Variants in ADH7 observed in about 807,000 individuals in gnomAD.
ADH7 encodes the protein all-trans-retinol dehydrogenase [NAD(+)] ADH7.
In ADH7, 41 loss-of-function variants were observed where a neutral mutation model predicts 34.4. The ratio of observed to expected loss-of-function variants is 1.19; its 90% CI spans 0.93 to 1.55. ADH7 has a LOEUF of 1.55. Among genes scored for constraint, ADH7 ranks in the 40% most tolerant of loss-of-function variants. The pLI, the probability that ADH7 is intolerant of heterozygous loss-of-function variation, is 0.00. For synonymous variants in ADH7, 180 were observed against 160.9 expected (o/e 1.12, Z -0.90); for missense variants, 540 against 461.2 (o/e 1.17, Z -1.56).
At chr4:99,418,441 A>C (rs1166454856) in intron 7 of ADH7, among the ~76,000 whole-genome samples, 1 of 152,142 alleles carries the variant, frequency 6.6e-6, no homozygotes, top group Non-Finnish European at 1.5e-5. Flanking sequence ...GGGAAAAAAA[A>C]GGACTCACTG....
At chr4:99,428,243 A>G in intron 3 of ADH7, 69 bp from the exon 4 acceptor site, 1 of 1,432,102 alleles carries the variant, frequency 7.0e-7, no homozygotes, top group Admixed American at 1.7e-5. Context: ...ACAAATGTGA[A>G]TTGAGCCCAT....
intron 1 of ADH7, among the ~76,000 whole-genome samples, chr4:99,433,046 C>T (rs757991313): frequency 1.3e-5 from 2 of 151,986 alleles, no homozygotes; most frequent in Non-Finnish European, 2.9e-5. Flanking sequence ...GTAAAATGGG[C>T]CATCTTACCT....
intron 7 of ADH7, among the ~76,000 whole-genome samples, chr4:99,417,734 C>T (rs1721553309): frequency 1.3e-5 from 2 of 152,278 alleles, no homozygotes; most frequent in South Asian, 4.1e-4. Context: ...GGTACCTGTA[C>T]TCAGTATACA....
rs1005770016 is a variant in ADH7 at position 99,427,956 on chromosome 4, G to T, written c.381C>A (p.Thr127=). ...ITGRGVLADG[T]TRFTCKGKPV... Reference sequence around the variant, plus strand: ...GTTTGCCCTTGCATGTAAATCTGGTGGTGCCATCAGCCAGTACTCCACGAC... The same window carrying T: ...GTTTGCCCTTGCATGTAAATCTGGTTGTGCCATCAGCCAGTACTCCACGAC... The change falls in exon 5 of 9, where the codon ACC becomes ACA. Residue 127 remains threonine, a synonymous_variant. Transcript: ENST00000437033. 2 of 1,613,872 alleles carry T rather than the reference G, an allele frequency of 1.2e-6. No homozygotes were observed. Among genetic ancestry groups the T allele is most frequent in the South Asian group, 2.2e-5 (2 of 91,070 alleles).
chr4:99,420,422 C>T (rs967876509), intron 6 of ADH7, 111 bp downstream of exon 6: 19 of 1,258,684 alleles, frequency 1.5e-5, no homozygotes, highest in South Asian at 7.5e-5. Context: ...AACTGACTAT[C>T]GCAGAGATAT....
intron 8 of ADH7, 86 bp downstream of exon 8, chr4:99,415,392 T>C (rs1579570682): frequency 7.4e-7 from 1 of 1,348,526 alleles, no homozygotes; most frequent in African/African-American, 1.5e-5. Context: ...AGAAATAAAA[T>C]ATGAAGAAAA....
At chr4:99,434,190 A>G (rs1721997990) in intron 1 of ADH7, among the ~76,000 whole-genome samples, 1 of 152,206 alleles carries the variant, frequency 6.6e-6, no homozygotes, top group African/African-American at 2.4e-5. Context: ...GACCTGAAGC[A>G]TCTGTTGGGT....
chr4:99,430,576 G>A lies in ADH7; in HGVS notation c.19-943C>T, dbSNP rs116410319. Among the ~76,000 whole-genome samples the A allele has an allele frequency of 1.6e-3, 248 of 152,254 alleles. 2 individuals are homozygous for A. The highest frequency in any genetic ancestry group is 5.8e-3 in the African/African-American group (242 of 41,548). On this transcript the variant is annotated intron_variant, in intron 1 of 8. Coordinates refer to ENST00000437033, the MANE Select transcript of ADH7 (RefSeq NM_000673.7). ...ACAACAGTCCTAGAGAGCTCTTATGGATTCTTAAGTGGCTCTTTTGTAAAA... is the reference window on the plus strand; with the variant it reads ...ACAACAGTCCTAGAGAGCTCTTATGAATTCTTAAGTGGCTCTTTTGTAAAA...
At chr4:99,421,487 C>A (rs1325932284) in intron 5 of ADH7, among the ~76,000 whole-genome samples, 1 of 152,088 alleles carries the variant, frequency 6.6e-6, no homozygotes, top group Non-Finnish European at 1.5e-5. Context: ...TTACATCTTA[C>A]ACAAAAATTA....
chr4:99,429,763 A>G lies in ADH7; in HGVS notation c.19-130T>C, dbSNP rs979650921. On this transcript the variant is annotated intron_variant, in intron 1 of 8. Coordinates refer to ENST00000437033, the MANE Select transcript of ADH7 (RefSeq NM_000673.7). ...TTTTCCAGAATGATTTTCATCAAAC[A>G]CTAGTATTATAAGCCTTATAAATCA... is the stretch of plus-strand genomic sequence containing the variant. 1.8e-4 allele frequency: 114 copies of G among 648,548 alleles called. 1 individual carries two copies. Among genetic ancestry groups the G allele is most frequent in the Middle Eastern group, 4.2e-4 (1 of 2,374 alleles). 40.2% of individuals were successfully genotyped at this position (648,548 alleles called of 1,614,324 possible). A position where few individuals can be genotyped will look rare whatever the true frequency, so the allele number is the denominator to read the frequency against.
chr4:99,421,000 G>A (rs1038830237), intron 5 of ADH7, among the ~76,000 whole-genome samples: 3 of 152,172 alleles, frequency 2.0e-5, no homozygotes, highest in African/African-American at 7.2e-5. Flanking sequence ...GGAAATAAGA[G>A]AGGACACAAA....
intron 7 of ADH7, 87 bp from the exon 8 acceptor site, chr4:99,415,703 C>A (rs1721501841): frequency 8.8e-6 from 12 of 1,358,090 alleles, no homozygotes; most frequent in Non-Finnish European, 1.0e-5. Context: ...CTCTTTCCTG[C>A]ACTATGACTT....
intron 1 of ADH7, among the ~76,000 whole-genome samples, chr4:99,431,665 T>A (rs766140471): frequency 2.0e-5 from 3 of 152,058 alleles, no homozygotes; most frequent in Non-Finnish European, 4.4e-5. Flanking sequence ...GCAAAGGATA[T>A]GAACAGACAT....
chr4:99,420,618 G>A lies in ADH7; in HGVS notation c.740C>T (p.Thr247Ile). The change falls in exon 6 of 9, where the codon ACC becomes ATC. Residue 247 changes from threonine (T) to isoleucine (I), a missense_variant. By Grantham distance (89) the Thr-to-Ile change is moderately conservative (BLOSUM62 -1). Coordinates refer to ENST00000437033, the MANE Select transcript of ADH7 (RefSeq NM_000673.7). ...ATECISPKDS[T>I]KPISEVLSEM... Reference sequence around the variant, plus strand: ...TGACAGCACCTCACTGATGGGTTTGGTAGAGTCCTTGGGACTGATACACTC... The same window carrying A: ...TGACAGCACCTCACTGATGGGTTTGATAGAGTCCTTGGGACTGATACACTC... The A allele has an allele frequency of 6.2e-7, 1 of 1,613,886 alleles. No homozygotes were observed. The highest frequency in any genetic ancestry group is 8.5e-7 in the Non-Finnish European group (1 of 1,179,916).
intron 5 of ADH7, among the ~76,000 whole-genome samples, chr4:99,425,079 C>A (rs968923802): frequency 5.3e-5 from 8 of 152,048 alleles, no homozygotes; most frequent in Non-Finnish European, 1.0e-4. Flanking sequence ...TAGAAAGGAA[C>A]AACCGGTACC....
intron 5 of ADH7, among the ~76,000 whole-genome samples, chr4:99,425,746 A>T (rs913818058): frequency 6.6e-6 from 1 of 152,238 alleles, no homozygotes; most frequent in African/African-American, 2.4e-5. Flanking sequence ...GCCCAAATCA[A>T]CAGAATATAC....
rs564006174 is a variant in ADH7 at position 99,422,807 on chromosome 4, T to C, written c.565-2014A>G. ...TAATAATGTATTAGGTCAAAGATTC[T>C]TTTTTTTTTCTAATAAAATAGACCT... On this transcript the variant is annotated intron_variant, in intron 5 of 8. Coordinates refer to ENST00000437033, the MANE Select transcript of ADH7 (RefSeq NM_000673.7). Among the ~76,000 whole-genome samples the C allele has an allele frequency of 6.2e-3, 892 of 144,552 alleles. 6 individuals carry two copies. Among genetic ancestry groups the C allele is most frequent in the African/African-American group, 0.021 (807 of 38,056 alleles). The allele number at this position is 144,552 out of a possible 152,430, so 94.8% of individuals were successfully genotyped here.
intron 5 of ADH7, among the ~76,000 whole-genome samples, chr4:99,421,481 A>G (rs1056840130): frequency 1.3e-5 from 2 of 152,236 alleles, no homozygotes; most frequent in South Asian, 2.1e-4. Flanking sequence ...CCTTCCTTAC[A>G]TCTTACACAA....
chr4:99,412,971 C>G lies in ADH7; in HGVS notation c.*177G>C. ...GTTATTATACTAATTCCCAGGTGCTCACAAGACTTTAAATGTTTATAAAGG... is the reference window on the plus strand; with the variant it reads ...GTTATTATACTAATTCCCAGGTGCTGACAAGACTTTAAATGTTTATAAAGG... On this transcript the variant is annotated 3_prime_UTR_variant, in exon 9 of 9. Coordinates refer to ENST00000437033, the MANE Select transcript of ADH7 (RefSeq NM_000673.7). 2.0e-6 allele frequency: 1 copy of G among 512,206 alleles called. No individual in the cohort carries two copies. Among genetic ancestry groups the G allele is most frequent in the Non-Finnish European group, 3.4e-6 (1 of 295,688 alleles). The allele number at this position is 512,206 out of a possible 1,614,324, so 31.7% of individuals were successfully genotyped here. A position where few individuals can be genotyped will look rare whatever the true frequency, so the allele number is the denominator to read the frequency against.
Sources: allele counts gnomAD v4.1 joint callset (sites outside exome capture counted in the v4.1 genomes callset), GRCh38; gene constraint gnomAD v4.1.1; transcripts MANE v1.5; gene names NCBI Gene and HGNC (gene_info 2026-07-23, HGNC 2026-07-21).